Variants in PSME4 observed in about 807,000 individuals in gnomAD.
PSME4 encodes the protein proteasome activator subunit 4.
In PSME4, 89 loss-of-function variants were observed where a neutral mutation model predicts 253.9. The ratio of observed to expected loss-of-function variants is 0.35; its 90% confidence interval spans 0.30 to 0.42. The LOEUF is 0.42. PSME4 is among the 10% of genes least tolerant of loss of function. The pLI, the probability that PSME4 is intolerant of heterozygous loss-of-function variation, is 1.00. For missense variants in PSME4, 2,014 were observed against 2,195.2 expected, an observed-to-expected ratio of 0.92 and a Z score of 1.65; for synonymous variants, 851 against 759.2, an observed-to-expected ratio of 1.12 and a Z score of -1.99.
intron 29 of PSME4, 39 bp from the exon 30 acceptor site, chr2:53,898,393 T>G (rs754005387): frequency 2.2e-6 from 3 of 1,379,176 alleles, no homozygotes; most frequent in Admixed American, 4.1e-5. Flanking sequence ...ACTATAATAC[T>G]AAAATGAACA....
chr2:53,947,377 A>G (rs1172342633), intron 3 of PSME4, among the ~76,000 whole-genome samples: 1 of 152,230 alleles, frequency 6.6e-6, no homozygotes, highest in Non-Finnish European at 1.5e-5. Flanking sequence ...GAAAAAGGAA[A>G]TTAATACAGG....
chr2:53,938,226 G>A (rs972974747), intron 4 of PSME4, among the ~76,000 whole-genome samples: 2 of 152,084 alleles, frequency 1.3e-5, no homozygotes, highest in African/African-American at 2.4e-5. Flanking sequence ...ACCAGTAGAC[G>A]AGAAAGAGAA....
chr2:53,904,743 C>CT (rs1375583650), intron 26 of PSME4, among the ~76,000 whole-genome samples: 2 of 152,050 alleles, frequency 1.3e-5, no homozygotes, highest in Non-Finnish European at 2.9e-5. Flanking sequence ...AATCCCAGCA[C>CT]TTTGGGAGGC....
At position 53,920,762 on chromosome 2, in the gene PSME4, CAAT is replaced by C. The variant is rs534669684; in HGVS notation, c.2262+124_2262+126del. ...GAGACAGCACAAGTTTCACATATTC[CAAT>C]AATAGTTTCAATAATCTATCTTAAA... On this transcript the variant is annotated intron_variant, in intron 18 of 46. Coordinates refer to ENST00000404125, the MANE Select transcript of PSME4 (RefSeq NM_014614.3). 1.3e-3 allele frequency: 1,058 copies of C among 809,160 alleles called. 18 individuals are homozygous for C. The South Asian group carries it at 0.017, about 13-fold the overall frequency. 50.1% of individuals were successfully genotyped at this position (809,160 alleles called of 1,614,324 possible). A position where few individuals can be genotyped will look rare whatever the true frequency, so the allele number is the denominator to read the frequency against.
At chr2:53,877,906 T>C (rs377462166) in intron 41 of PSME4, among the ~76,000 whole-genome samples, 1 of 152,220 alleles carries the variant, frequency 6.6e-6, no homozygotes, top group African/African-American at 2.4e-5. Context: ...TATTTTAGAA[T>C]AAAAATTATT....
At chr2:53,940,436 G>A (rs547137673) in intron 3 of PSME4, among the ~76,000 whole-genome samples, 24 of 152,128 alleles carry the variant, frequency 1.6e-4, no homozygotes, top group African/African-American at 5.8e-4. Context: ...CAATTGATGA[G>A]AGTTCGATAA....
chr2:53,881,265 T>A (rs1317134810), intron 41 of PSME4, among the ~76,000 whole-genome samples: 1 of 152,230 alleles, frequency 6.6e-6, no homozygotes, highest in Non-Finnish European at 1.5e-5. Context: ...CTGTATCCAA[T>A]GTACCACAAT....
intron 44 of PSME4, among the ~76,000 whole-genome samples, chr2:53,867,500 A>G (rs1678621825): frequency 7.8e-6 from 1 of 128,462 alleles, no homozygotes; most frequent in African/African-American, 2.8e-5. Context: ...CTCCGTCTCA[A>G]GGAAAAAAAA....
intron 38 of PSME4, 94 bp from the exon 39 acceptor site, chr2:53,888,083 CT>C: frequency 7.6e-7 from 1 of 1,324,090 alleles, no homozygotes; most frequent in Non-Finnish European, 1.0e-6. Context: ...TCACTTAAAG[CT>C]TTTTCGTTTT....
intron 41 of PSME4, among the ~76,000 whole-genome samples, chr2:53,880,455 T>C (rs1246796208): frequency 1.3e-5 from 2 of 152,138 alleles, no homozygotes; most frequent in Admixed American, 6.6e-5. Context: ...ATACATCTCT[T>C]TTGCCCAGCA....
At chr2:53,899,730 A>C in intron 29 of PSME4, 151 bp downstream of exon 29, 1 of 879,388 alleles carries the variant, frequency 1.1e-6, no homozygotes, top group Non-Finnish European at 1.7e-6. Context: ...ACGCATGAGA[A>C]GAGCTTAAAC....
In PSME4 at chr2:53,890,156, T is replaced by C. The variant is rs760245820; in HGVS notation, c.4244A>G (p.Asn1415Ser). The C allele has an allele frequency of 9.9e-5, 160 of 1,613,862 alleles. No individual in the cohort carries two copies. Among genetic ancestry groups the C allele is most frequent in the Middle Eastern group, 3.3e-4 (2 of 6,080 alleles). The change falls in exon 37 of 47, where the codon AAT becomes AGT. Residue 1415 changes from asparagine to serine, a missense_variant. Physicochemically the swap from Asn to Ser is conservative, Grantham distance 46 (BLOSUM62 1). Around this residue, in one of 4 missense-constraint regions of PSME4, gnomAD observed 403 missense variants for 556.1 expected, o/e 0.72. Transcript: ENST00000404125. The part of the protein sequence containing the change: ...LCPLLRTALS[N>S]ITVETYNDWG... ...GTCATTATAAGTTTCTACGGTAATA[T>C]TGGACAGTGCTGTTCTAAGCAGAGG...
At chr2:53,919,587 A>G (rs1255109732) in intron 19 of PSME4, among the ~76,000 whole-genome samples, 1 of 152,230 alleles carries the variant, frequency 6.6e-6, no homozygotes, top group Non-Finnish European at 1.5e-5. Flanking sequence ...AGCTTATTCC[A>G]TCTTTTAAAA....
intron 1 of PSME4, among the ~76,000 whole-genome samples, chr2:53,950,772 C>T (rs1207609424): frequency 1.4e-5 from 2 of 145,806 alleles, no homozygotes; most frequent in Non-Finnish European, 1.5e-5. Context: ...ACCTGGGAGG[C>T]GGAGGTTGCG....
At chr2:53,926,230 A>T (rs75590122) in intron 12 of PSME4, among the ~76,000 whole-genome samples, 3,029 of 152,360 alleles carry the variant, frequency 0.02, 33 homozygotes, top group Middle Eastern at 0.055. Context: ...AAGAAAGAAG[A>T]AATTAATGTT....
At chr2:53,909,057 G>A (rs916806394) in intron 21 of PSME4, among the ~76,000 whole-genome samples, 28 of 151,592 alleles carry the variant, frequency 1.8e-4, no homozygotes, top group Admixed American at 1.8e-3. Context: ...CATGCTTCAA[G>A]ATAAAGAAAA....
Position 53,969,549 on chromosome 2 carries a change from T to C in PSME4, c.242+994A>G, listed in dbSNP as rs575908337. On this transcript the variant is annotated intron_variant, in intron 1 of 46. Coordinates refer to ENST00000404125, the MANE Select transcript of PSME4 (RefSeq NM_014614.3). ...CCGTCCATACCCACATGCGTGAACA[T>C]ACCATGTTACTAGATTTTATGTACA... 2.0e-5 allele frequency among the ~76,000 whole-genome samples: 3 copies of C among 152,302 alleles called. No homozygotes were observed. The East Asian group carries it at 5.8e-4, about 29-fold the overall frequency.
intron 37 of PSME4, among the ~76,000 whole-genome samples, chr2:53,889,600 A>C (rs897834213): frequency 2.0e-5 from 3 of 152,156 alleles, no homozygotes; most frequent in African/African-American, 7.2e-5. Flanking sequence ...GGTGACTCAA[A>C]CTCAAATGTG....
rs767798301 is a variant in PSME4 at position 53,932,108 on chromosome 2, C to G, written c.1051-8G>C. ...TAGTTTCATTAACTTGTTCTGGGGA[C>G]ACAGAAGCAAAAAGTTCTAAGTAGG... On this transcript the variant is annotated splice_polypyrimidine_tract_variant and splice_region_variant and intron_variant, in intron 9 of 46. Transcript: ENST00000404125. 2 of 1,608,962 alleles carry G rather than the reference C, an allele frequency of 1.2e-6. No individual in the cohort carries two copies. Among genetic ancestry groups the G allele is most frequent in the Non-Finnish European group, 1.7e-6 (2 of 1,177,300 alleles).
Sources: gnomAD v4.1 joint callset for allele counts (sites outside exome capture counted in the v4.1 genomes callset) on GRCh38, gnomAD v4.1.1 for gene constraint, gnomAD v4.1.1 regional missense constraint, MANE v1.5 for transcripts, NCBI Gene and HGNC (gene_info 2026-07-23, HGNC 2026-07-21) for gene names.